The following TRPC5 variants were observed in gnomAD, a reference collection of about 807,000 sequenced individuals.
TRPC5 encodes transient receptor potential cation channel subfamily C member 5, also known as short transient receptor potential channel 5.
In TRPC5, 9 loss-of-function variants were observed where a neutral mutation model predicts 56.5. The ratio of observed to expected loss-of-function variants is 0.16; its 90% CI spans 0.10 to 0.28. The LOEUF is 0.28. Among genes scored for constraint, TRPC5 ranks in the 10% least tolerant of loss-of-function variants. The probability of loss-of-function intolerance (pLI) is 1.00; values close to 1 mark genes in which losing one functional copy is unlikely to be tolerated. For missense variants in TRPC5, 469 were observed against 748.9 expected, an observed-to-expected ratio of 0.63 and a Z score of 4.36; for synonymous variants, 282 against 278.5, an observed-to-expected ratio of 1.01 and a Z score of -0.13.
At chrX:111,915,009 T>C (rs7055246) in intron 2 of TRPC5, among the ~76,000 whole-genome samples, 3,800 of 110,904 alleles carry the variant, frequency 0.034, 178 homozygotes, top group African/African-American at 0.12. Context: ...CTGGGTTCGA[T>C]TATGGGTATG....
At chrX:112,000,637 C>T (rs186948038) in intron 1 of TRPC5, among the ~76,000 whole-genome samples, 13 of 111,711 alleles carry the variant, frequency 1.2e-4, no homozygotes, top group South Asian at 3.8e-4. Context: ...GTTGTTGCGA[C>T]GATTAGATGA....
intron 1 of TRPC5, among the ~76,000 whole-genome samples, chrX:111,961,961 T>C (rs1266130970): frequency 1.8e-5 from 2 of 111,870 alleles, no homozygotes; most frequent in Non-Finnish European, 3.8e-5. Context: ...TGGAGGCCAT[T>C]ATCCTAAGTG....
intron 1 of TRPC5, among the ~76,000 whole-genome samples, chrX:111,989,085 C>T (rs182316471): frequency 2.1e-4 from 23 of 111,655 alleles, no homozygotes; most frequent in African/African-American, 6.2e-4. Flanking sequence ...CTCATCCTGA[C>T]GATGTACCTG....
At chrX:112,029,409 G>A (rs961406685) in intron 1 of TRPC5, among the ~76,000 whole-genome samples, 10 of 111,751 alleles carry the variant, frequency 8.9e-5, no homozygotes, top group African/African-American at 3.3e-4. Context: ...TGGACACTTA[G>A]GTTGCTTCCA....
At position 111,790,523 on chromosome X, in the gene TRPC5, C is replaced by T. The variant is rs187470021; in HGVS notation, c.1897-8385G>A. Among the ~76,000 whole-genome samples the T allele has an allele frequency of 1.4e-3, 157 of 111,157 alleles. 1 individual carries two copies. The highest frequency in any genetic ancestry group is 0.014 in the Middle Eastern group (3 of 214). ...TGTATACCTATGTATCACACCTGTA[C>T]GTTGTGCACATGTACCCTAGAACTA... On this transcript the variant is annotated intron_variant, in intron 7 of 10. Coordinates refer to ENST00000262839, the MANE Select transcript of TRPC5 (RefSeq NM_012471.3).
chrX:111,823,972 T>G (rs1922109087), intron 7 of TRPC5, among the ~76,000 whole-genome samples: 1 of 111,404 alleles, frequency 9.0e-6, no homozygotes, highest in South Asian at 3.9e-4. Flanking sequence ...GGCTCATGCC[T>G]GTAATCCTAG....
In TRPC5 at chrX:111,960,972, C is replaced by T. The variant is rs185152645; in HGVS notation, c.-21-8531G>A. ...GACTACAGGCATGCACTACTATGCC[C>T]GGCTAAGTTTTGTATTTTTAGTGCA... On this transcript the variant is annotated intron_variant, in intron 1 of 10. Transcript: ENST00000262839. 5.1e-3 allele frequency among the ~76,000 whole-genome samples: 560 copies of T among 110,557 alleles called. 2 individuals carry two copies. Among genetic ancestry groups the T allele is most frequent in the African/African-American group, 0.017 (530 of 30,381 alleles).
At chrX:111,978,764 T>C (rs748899571) in intron 1 of TRPC5, among the ~76,000 whole-genome samples, 1 of 111,213 alleles carries the variant, frequency 9.0e-6, no homozygotes, top group African/African-American at 3.3e-5. Context: ...CATACACAAA[T>C]GGTAACTATG....
At chrX:112,005,023 C>A (rs954642167) in intron 1 of TRPC5, among the ~76,000 whole-genome samples, 2 of 111,476 alleles carry the variant, frequency 1.8e-5, no homozygotes, top group African/African-American at 6.5e-5. Flanking sequence ...TCAATGTTAC[C>A]AGCTTCATGT....
Position 112,059,072 on chromosome X carries a change from C to G in TRPC5, c.-22+22807G>C, listed in dbSNP as rs60219263. On this transcript the variant is annotated intron_variant, in intron 1 of 10. Transcript: ENST00000262839. ...GATTACCAAGATACTCTTTATCAAA[C>G]TCTCTCCATCATGTTAATTCCATTC... Among the ~76,000 whole-genome samples the G allele has an allele frequency of 1.9e-4, 21 of 111,628 alleles. No homozygotes were observed. In the East Asian group the frequency reaches 5.9e-3, roughly 32 times the overall value.
At chrX:112,038,282 A>G (rs932282819) in intron 1 of TRPC5, among the ~76,000 whole-genome samples, 8 of 112,441 alleles carry the variant, frequency 7.1e-5, no homozygotes, top group African/African-American at 1.9e-4. Context: ...GTTTTCTAAC[A>G]TGTATTGTAC....
At position 111,772,624 on chromosome X, in the gene TRPC5, G is replaced by T. The variant is rs1251583897; in HGVS notation, c.*3689C>A. On this transcript the variant is annotated 3_prime_UTR_variant, in exon 11 of 11. Coordinates refer to ENST00000262839, the MANE Select transcript of TRPC5 (RefSeq NM_012471.3). ...ATTTTTGTATTTTTAGTAGAGATGG[G>T]TTTCACCATGTTGGCCAGGCTGATC... 2.7e-5 allele frequency among the ~76,000 whole-genome samples: 3 copies of T among 110,033 alleles called. No individual in the cohort carries two copies. Among genetic ancestry groups the T allele is most frequent in the African/African-American group, 9.9e-5 (3 of 30,200 alleles).
At chrX:112,033,442 A>G (rs955297742) in intron 1 of TRPC5, among the ~76,000 whole-genome samples, 1 of 108,792 alleles carries the variant, frequency 9.2e-6, no homozygotes, top group African/African-American at 3.4e-5. Flanking sequence ...GATCCTTATT[A>G]GAGATATGAT....
rs777569503 is a variant in TRPC5 at position 112,049,751 on chromosome X, T to C, written c.-22+32128A>G. 2.7e-5 allele frequency among the ~76,000 whole-genome samples: 3 copies of C among 111,713 alleles called. No homozygotes were observed. The East Asian group carries it at 8.4e-4, about 31-fold the overall frequency. ...ACATAGGATTTGGTCCAACAATTCA[T>C]ATCATTCCAAAGAATTTGAGGTGCT... On this transcript the variant is annotated intron_variant, in intron 1 of 10. Transcript: ENST00000262839.
intron 3 of TRPC5, among the ~76,000 whole-genome samples, chrX:111,881,141 CTTTTG>C (rs1337712533): frequency 1.0e-5 from 1 of 97,189 alleles, no homozygotes; most frequent in Non-Finnish European, 1.9e-5. Context: ...TTGTGATTTT[CTTTTG>C]TTTATTTTAT....
chrX:111,880,242 A>G (rs187126412), intron 3 of TRPC5, among the ~76,000 whole-genome samples: 97 of 111,868 alleles, frequency 8.7e-4, no homozygotes, highest in African/African-American at 3.0e-3. Flanking sequence ...TTGTTTGTAG[A>G]ATGAGAACTC....
intron 1 of TRPC5, among the ~76,000 whole-genome samples, chrX:111,979,901 A>C (rs759124393): frequency 8.9e-6 from 1 of 111,960 alleles, no homozygotes; most frequent in South Asian, 3.7e-4. Flanking sequence ...CATCTTTGTA[A>C]ACCAGCTTAG....
At chrX:111,777,263 G>A (rs1945886287) in intron 10 of TRPC5, among the ~76,000 whole-genome samples, 1 of 111,598 alleles carries the variant, frequency 9.0e-6, no homozygotes. Context: ...GTCTGTTGAG[G>A]TGCTTTCATA....
At chrX:111,871,529 G>T (rs755162055) in intron 3 of TRPC5, among the ~76,000 whole-genome samples, 1 of 110,888 alleles carries the variant, frequency 9.0e-6, no homozygotes, top group African/African-American at 3.3e-5. Flanking sequence ...GCAAAATGAG[G>T]ATTACAATAG....
Sources: gnomAD v4.1 joint callset for allele counts (sites outside exome capture counted in the v4.1 genomes callset) on GRCh38, gnomAD v4.1.1 for gene constraint, MANE v1.5 for transcripts, NCBI Gene and HGNC (gene_info 2026-07-23, HGNC 2026-07-21) for gene names.